Variants in IKZF1 observed in about 807,000 individuals in gnomAD.
IKZF1 encodes the protein DNA-binding protein Ikaros.
Under a neutral mutation model 51.7 loss-of-function variants are expected in IKZF1, and 10 were observed. The observed-to-expected ratio is 0.19, with a 90% CI of 0.12 to 0.33. The LOEUF (loss-of-function observed/expected upper bound fraction) is 0.33. Ranked by LOEUF, IKZF1 falls within the 10% of genes least tolerant of loss-of-function variation. The pLI, the probability that IKZF1 is intolerant of heterozygous loss-of-function variation, is 1.00. For synonymous variants in IKZF1, 280 were observed against 282.3 expected, an observed-to-expected ratio of 0.99 and a Z score of 0.08; for missense variants, 484 against 707.5, an observed-to-expected ratio of 0.68 and a Z score of 3.58.
At chr7:50,369,276 C>A (rs2153457602) in intron 3 of IKZF1, 1 of 373,136 alleles carries the variant, frequency 2.7e-6, no homozygotes, top group East Asian at 3.8e-5. Flanking sequence ...TGAGAGTAAG[C>A]TAATGCATCC....
At chr7:50,355,785 C>T (rs920055376) in intron 3 of IKZF1, among the ~76,000 whole-genome samples, 6 of 152,148 alleles carry the variant, frequency 3.9e-5, no homozygotes, top group Admixed American at 2.0e-4. Context: ...AGAGGGAAAG[C>T]GGTGCATTCA....
intron 3 of IKZF1, among the ~76,000 whole-genome samples, chr7:50,365,450 T>G (rs1427750077): frequency 6.6e-6 from 1 of 152,244 alleles, no homozygotes; most frequent in African/African-American, 2.4e-5. Context: ...GGCAAAGGAC[T>G]GATTCTTTTG....
At chr7:50,320,416 T>C (rs1310543205) in intron 2 of IKZF1, among the ~76,000 whole-genome samples, 2 of 152,324 alleles carry the variant, frequency 1.3e-5, no homozygotes, top group Admixed American at 6.5e-5. Flanking sequence ...ATCTCAAACA[T>C]TTATCGTTTC....
At position 50,327,926 on chromosome 7, in the gene IKZF1, G is replaced by A. The variant is rs931595800; in HGVS notation, c.160+169G>A. The A allele has an allele frequency of 1.9e-4, 145 of 773,604 alleles. 1 individual carries two copies. Among genetic ancestry groups the A allele is most frequent in the South Asian group, 1.1e-3 (54 of 50,688 alleles). The allele number at this position is 773,604 out of a possible 1,614,324, so 47.9% of individuals were successfully genotyped here. The stretch of plus-strand genomic sequence containing the variant: ...CAGGATGGGGGTCCTCTGGTGTGTG[G>A]GAGGATGGACACTCACAGGCCAGCA... On this transcript the variant is annotated intron_variant, in intron 3 of 7. Coordinates refer to ENST00000331340, the MANE Select transcript of IKZF1 (RefSeq NM_006060.6).
chr7:50,389,368 G>A (rs893829316), intron 6 of IKZF1, among the ~76,000 whole-genome samples: 3 of 150,854 alleles, frequency 2.0e-5, no homozygotes, highest in Non-Finnish European at 4.4e-5. Flanking sequence ...GTAAGGCTAC[G>A]TGCCAGTAAT....
intron 3 of IKZF1, among the ~76,000 whole-genome samples, chr7:50,365,741 A>G (rs965713996): frequency 3.3e-5 from 5 of 152,210 alleles, no homozygotes; most frequent in African/African-American, 9.7e-5. Flanking sequence ...TCAAAGACCT[A>G]TATACCATTT....
At chr7:50,373,324 A>T (rs1365654779) in intron 3 of IKZF1, among the ~76,000 whole-genome samples, 1 of 152,214 alleles carries the variant, frequency 6.6e-6, no homozygotes, top group East Asian at 1.9e-4. Flanking sequence ...CATGCCAAAG[A>T]ATCCCAGAAA....
At chr7:50,399,651 A>G (rs1585033558) in intron 7 of IKZF1, among the ~76,000 whole-genome samples, 1 of 152,080 alleles carries the variant, frequency 6.6e-6, no homozygotes, top group East Asian at 1.9e-4. Context: ...ATCCAACAAA[A>G]TCTCCTTAAG....
At chr7:50,368,683 A>G in intron 3 of IKZF1, 2 of 282,068 alleles carry the variant, frequency 7.1e-6, no homozygotes, top group South Asian at 1.1e-4. Flanking sequence ...TATTGAGCTG[A>G]TAAATGATAA....
At chr7:50,361,088 G>A (rs140935300) in intron 3 of IKZF1, among the ~76,000 whole-genome samples, 6 of 152,094 alleles carry the variant, frequency 3.9e-5, no homozygotes, top group African/African-American at 1.2e-4. Flanking sequence ...CCCCTGCCAC[G>A]ATCCCTGACA....
intron 3 of IKZF1, among the ~76,000 whole-genome samples, chr7:50,355,536 G>A (rs1404416788): frequency 6.6e-6 from 1 of 152,154 alleles, no homozygotes; most frequent in Non-Finnish European, 1.5e-5. Context: ...CGTGCTAAGA[G>A]GCTGTGGCCA....
rs1041398591 is a variant in IKZF1, at chr7:50,402,829, G to C, written c.*2202G>C. On this transcript the variant is annotated 3_prime_UTR_variant, in exon 8 of 8. Coordinates refer to ENST00000331340, the MANE Select transcript of IKZF1 (RefSeq NM_006060.6). ...CAAAATTGCTGCACCAATGCACTGA[G>C]TGAAGGAAGAGAGACAGAGGATCAA... 1 of 230,308 alleles carries C rather than the reference G, an allele frequency of 4.3e-6. No individual in the cohort carries two copies. Among genetic ancestry groups the C allele is most frequent in the Non-Finnish European group, 8.6e-6 (1 of 116,074 alleles). The allele number at this position is 230,308 out of a possible 1,614,324, so 14.3% of individuals were successfully genotyped here. A position where few individuals can be genotyped will look rare whatever the true frequency, so the allele number is the denominator to read the frequency against.
In IKZF1 at chr7:50,391,869, A is replaced by C; in HGVS notation, c.850+6A>C. ...TATGCCTCAGAAATTTCTTGGTAAG[A>C]GTTAAATGTTTGCTGTCTCTTAAAA... On this transcript the variant is annotated splice_donor_region_variant and intron_variant, in intron 7 of 7. Coordinates refer to ENST00000331340, the MANE Select transcript of IKZF1 (RefSeq NM_006060.6). The C allele has an allele frequency of 6.2e-7, 1 of 1,609,802 alleles. No individual in the cohort carries two copies. The highest frequency in any genetic ancestry group is 8.5e-7 in the Non-Finnish European group (1 of 1,177,596).
intron 1 of IKZF1, among the ~76,000 whole-genome samples, chr7:50,309,263 G>C (rs564854097): frequency 6.6e-6 from 1 of 152,300 alleles, no homozygotes; most frequent in Admixed American, 6.5e-5. Flanking sequence ...AAGTAAATCT[G>C]ACTCTCTTCC....
intron 3 of IKZF1, among the ~76,000 whole-genome samples, chr7:50,347,087 T>C (rs1341665208): frequency 1.3e-5 from 2 of 152,220 alleles, no homozygotes; most frequent in Non-Finnish European, 2.9e-5. Context: ...ATTATCGTTA[T>C]CTCATTTGGT....
At chr7:50,365,293 A>G (rs1011267962) in intron 3 of IKZF1, among the ~76,000 whole-genome samples, 1 of 152,232 alleles carries the variant, frequency 6.6e-6, no homozygotes, top group Non-Finnish European at 1.5e-5. Context: ...CACGGATGGT[A>G]CAGGAACAAG....
rs1195579811 is a variant in IKZF1 at position 50,334,381 on chromosome 7, A to G, written c.160+6624A>G. Reference sequence around the variant, plus strand: ...AGGTGTCTGTATATATGTGGGGGGTATATGTGGTGTGTGATGTATGTATAT... The same window carrying G: ...AGGTGTCTGTATATATGTGGGGGGTGTATGTGGTGTGTGATGTATGTATAT... On this transcript the variant is annotated intron_variant, in intron 3 of 7. Coordinates refer to ENST00000331340, the MANE Select transcript of IKZF1 (RefSeq NM_006060.6). Among the ~76,000 whole-genome samples, 4 of 151,780 alleles carry G rather than the reference A, an allele frequency of 2.6e-5. No individual in the cohort carries two copies. In the East Asian group the frequency reaches 7.7e-4, roughly 29 times the overall value.
chr7:50,363,460 C>T (rs889768528), intron 3 of IKZF1, among the ~76,000 whole-genome samples: 5 of 151,928 alleles, frequency 3.3e-5, no homozygotes, highest in Admixed American at 6.6e-5. Context: ...GCAGGACAGG[C>T]GGTGAAACGA....
chr7:50,400,405 G>A lies in IKZF1; in HGVS notation c.1338G>A (p.Gln446=), dbSNP rs764409377. The A allele has an allele frequency of 1.9e-6, 3 of 1,613,572 alleles. No individual in the cohort carries two copies. The highest frequency in any genetic ancestry group is 1.3e-5 in the African/African-American group (1 of 74,938). ...TGCGCGCCGCCTCCGAGAACTCGCA[G>A]GACGCGCTCCGCGTGGTCAGCACCA... ...DLLRAASENS[Q]DALRVVSTSG... is the part of the protein sequence containing the mutation. The change falls in exon 8 of 8, where the codon CAG becomes CAA. Residue 446 remains glutamine, a synonymous_variant. Coordinates refer to ENST00000331340, the MANE Select transcript of IKZF1 (RefSeq NM_006060.6). The surrounding 1 kb of genome is among the most constrained non-coding windows in gnomAD (Gnocchi z 5.4).
Sources: gnomAD v4.1 joint callset for allele counts (sites outside exome capture counted in the v4.1 genomes callset) on GRCh38, gnomAD v4.1.1 for gene constraint, Gnocchi (gnomAD v3.1) non-coding constraint, MANE v1.5 for transcripts, NCBI Gene and HGNC (gene_info 2026-07-23, HGNC 2026-07-21) for gene names.